SMOC2: variants seen among roughly 807,000 people sequenced by gnomAD.
SMOC2 encodes SPARC related modular calcium binding 2, also known as SPARC-related modular calcium-binding protein 2.
SMOC2 carries 39 observed loss-of-function variants against 61.4 expected under a neutral mutation model. That is an observed-to-expected ratio of 0.64 (90% CI 0.49 to 0.83). The LOEUF is 0.83. Among genes scored for constraint, SMOC2 ranks in the 40% least tolerant of loss-of-function variants. The pLI, the probability that SMOC2 is intolerant of heterozygous loss-of-function variation, is 0.00. For missense variants in SMOC2, 556 were observed against 592.9 expected (o/e 0.94, Z 0.65); for synonymous variants, 247 against 239.9 (o/e 1.03, Z -0.27).
chr6:168,566,645 C>A (rs568383427), intron 7 of SMOC2, among the ~76,000 whole-genome samples: 101 of 151,856 alleles, frequency 6.7e-4, no homozygotes, highest in Non-Finnish European at 6.5e-4. Context: ...CCACACCCGG[C>A]CAATTTTTTG....
chr6:168,472,216 T>C (rs1781980395), intron 1 of SMOC2, among the ~76,000 whole-genome samples: 1 of 152,210 alleles, frequency 6.6e-6, no homozygotes, highest in Non-Finnish European at 1.5e-5. Flanking sequence ...TTTGAGTTAA[T>C]TTTTGTCTGT....
chr6:168,511,125 A>C (rs893355399), intron 2 of SMOC2, among the ~76,000 whole-genome samples: 1 of 152,236 alleles, frequency 6.6e-6, no homozygotes, highest in East Asian at 1.9e-4. Context: ...AAAGATAAGT[A>C]TATAAATGAA....
chr6:168,583,155 T>C (rs1023286224), intron 7 of SMOC2, among the ~76,000 whole-genome samples: 2 of 152,170 alleles, frequency 1.3e-5, no homozygotes, highest in Non-Finnish European at 2.9e-5. Context: ...ATTCAAAAAA[T>C]ACAGGTGGAA....
intron 1 of SMOC2, among the ~76,000 whole-genome samples, chr6:168,507,826 A>G (rs1782910374): frequency 6.6e-6 from 1 of 152,248 alleles, no homozygotes; most frequent in Non-Finnish European, 1.5e-5. Flanking sequence ...TCTCAGGAAA[A>G]TTAGAGCACG....
chr6:168,508,365 G>T (rs1466208690), intron 1 of SMOC2, among the ~76,000 whole-genome samples: 1 of 152,148 alleles, frequency 6.6e-6, no homozygotes, highest in Non-Finnish European at 1.5e-5. Context: ...CTTTTTAAAA[G>T]AACTGAGACT....
intron 9 of SMOC2, among the ~76,000 whole-genome samples, chr6:168,639,242 T>C (rs2115258803): frequency 6.6e-6 from 1 of 152,244 alleles, no homozygotes; most frequent in South Asian, 2.1e-4. Flanking sequence ...TGCTTAAAGT[T>C]ACTTCCAAAA....
intron 2 of SMOC2, among the ~76,000 whole-genome samples, chr6:168,512,350 G>C (rs1783028576): frequency 6.6e-6 from 1 of 152,170 alleles, no homozygotes; most frequent in South Asian, 2.1e-4. Flanking sequence ...CCTTTGTCCA[G>C]GGGTGCCAGA....
rs185565800 is a variant in SMOC2, at chr6:168,560,014, A to G, written c.637+10811A>G. On this transcript the variant is annotated intron_variant, in intron 7 of 12. Transcript: ENST00000356284. ...GAGGAATTTTATTCATTCCCCAGGA[A>G]TGGTGTGGTGCATGAATGTGCACAT... 1.0e-3 allele frequency among the ~76,000 whole-genome samples: 152 copies of G among 152,342 alleles called. 1 individual carries two copies. Among genetic ancestry groups the G allele is most frequent in the African/African-American group, 3.4e-3 (143 of 41,574 alleles).
At chr6:168,577,194 G>A (rs1784823256) in intron 7 of SMOC2, among the ~76,000 whole-genome samples, 2 of 151,984 alleles carry the variant, frequency 1.3e-5, no homozygotes, top group African/African-American at 2.4e-5. Context: ...TCTCATCTCT[G>A]TAAGACTCTG....
At chr6:168,645,384 C>T (rs760589980) in intron 9 of SMOC2, among the ~76,000 whole-genome samples, 39 of 152,164 alleles carry the variant, frequency 2.6e-4, no homozygotes, top group African/African-American at 4.3e-4. Context: ...CTAAAACCCA[C>T]GGGGAAGGGC....
At chr6:168,455,900 C>G (rs1239444220) in intron 1 of SMOC2, among the ~76,000 whole-genome samples, 1 of 152,260 alleles carries the variant, frequency 6.6e-6, no homozygotes, top group African/African-American at 2.4e-5. Context: ...CTAGGGTGAC[C>G]CGCTCCGTGA....
In SMOC2 at chr6:168,513,931, G is replaced by A. The variant is rs9456155; in HGVS notation, c.256+3845G>A. On this transcript the variant is annotated intron_variant, in intron 2 of 12. Transcript: ENST00000356284. The stretch of plus-strand genomic sequence containing the variant: ...AGGATCCCAGATGCTCCCAACGCCC[G>A]GCCTGTCTTCAGACTCTCCTATGAG... Among the ~76,000 whole-genome samples the A allele has an allele frequency of 1.4e-3, 220 of 152,224 alleles. 2 individuals carry two copies. The highest frequency in any genetic ancestry group is 4.8e-3 in the African/African-American group (201 of 41,556).
At chr6:168,526,503 A>G (rs746698826) in intron 3 of SMOC2, 51 bp downstream of exon 3, 29 of 1,496,664 alleles carry the variant, frequency 1.9e-5, no homozygotes, top group Non-Finnish European at 2.6e-5. Context: ...AGGGAGGGAG[A>G]TGTGGAGCGG....
At chr6:168,636,105 G>A (rs552891297) in intron 9 of SMOC2, among the ~76,000 whole-genome samples, 1 of 152,318 alleles carries the variant, frequency 6.6e-6, no homozygotes, top group South Asian at 2.1e-4. Flanking sequence ...TGTGAGAAGT[G>A]TCTGCACTCA....
intron 9 of SMOC2, among the ~76,000 whole-genome samples, chr6:168,612,798 G>A (rs921495743): frequency 4.6e-5 from 7 of 151,508 alleles, no homozygotes; most frequent in Non-Finnish European, 5.9e-5. Flanking sequence ...AGATGCAGGC[G>A]AAAGACAGAG....
intron 3 of SMOC2, among the ~76,000 whole-genome samples, chr6:168,526,756 G>T (rs1391905116): frequency 6.6e-6 from 1 of 152,166 alleles, no homozygotes; most frequent in African/African-American, 2.4e-5. Flanking sequence ...AGGCCAATTA[G>T]ACCGTGCTAA....
chr6:168,552,986 T>C (rs1453084080), intron 7 of SMOC2, among the ~76,000 whole-genome samples: 1 of 152,126 alleles, frequency 6.6e-6, no homozygotes, highest in East Asian at 1.9e-4. Context: ...TGAATAAAGA[T>C]TTGTACCAGC....
At chr6:168,608,262 G>A (rs950182097) in intron 9 of SMOC2, 23 bp downstream of exon 9, 50 of 1,606,038 alleles carry the variant, frequency 3.1e-5, no homozygotes, top group Non-Finnish European at 4.2e-5. Context: ...CGCGAGTGTG[G>A]CCCGAATCCA....
chr6:168,531,195 G>A (rs1011559697), intron 4 of SMOC2, among the ~76,000 whole-genome samples: 6 of 152,132 alleles, frequency 3.9e-5, no homozygotes, highest in Admixed American at 1.3e-4. Flanking sequence ...GCTTGCATGC[G>A]GTGGAGAGCA....
Sources: allele counts gnomAD v4.1 joint callset (sites outside exome capture counted in the v4.1 genomes callset), GRCh38; gene constraint gnomAD v4.1.1; transcripts MANE v1.5; gene names NCBI Gene and HGNC (gene_info 2026-07-23, HGNC 2026-07-21).